The following MAGI1 variants were observed in gnomAD, a reference collection of about 807,000 sequenced individuals.
The protein encoded by MAGI1 is membrane-associated guanylate kinase, WW and PDZ domain-containing protein 1.
A neutral mutation model predicts 139.9 loss-of-function variants in MAGI1; 58 were observed. The observed-to-expected ratio is 0.41, with a 90% CI of 0.34 to 0.52. MAGI1 has a LOEUF of 0.52. Among genes scored for constraint, MAGI1 ranks in the 20% least tolerant of loss-of-function variants. The pLI is 0.12. For synonymous variants in MAGI1, 812 were observed against 737.9 expected, an observed-to-expected ratio of 1.10 and a Z score of -1.63; for missense variants, 1,874 against 1,901.6, an observed-to-expected ratio of 0.99 and a Z score of 0.27.
chr3:65,741,836 C>T (rs917695693), intron 1 of MAGI1, among the ~76,000 whole-genome samples: 6 of 152,122 alleles, frequency 3.9e-5, no homozygotes, highest in Non-Finnish European at 8.8e-5. Context: ...CTAGAAAATC[C>T]ACGAACATGG....
intron 1 of MAGI1, among the ~76,000 whole-genome samples, chr3:65,990,674 C>T (rs1401889720): frequency 6.6e-6 from 1 of 152,134 alleles, no homozygotes; most frequent in Non-Finnish European, 1.5e-5. Flanking sequence ...AAAGAGAATG[C>T]TGACTATAAA....
intron 2 of MAGI1, among the ~76,000 whole-genome samples, chr3:65,590,303 G>A (rs1160091043): frequency 1.3e-5 from 2 of 152,092 alleles, no homozygotes; most frequent in Non-Finnish European, 2.9e-5. Context: ...GTACATCTTT[G>A]TATCTTTAAC....
chr3:66,038,524 G>A lies in MAGI1; in HGVS notation c.-216C>T, dbSNP rs1000288818. ...GGGCTTCCCCGCGAGCCCCGCACAG[G>A]CGCCCGCGAGCTTTGTTTGCATTCC... On this transcript the variant is annotated 5_prime_UTR_variant, in exon 1 of 23. Transcript: ENST00000402939. 3 of 587,234 alleles carry A rather than the reference G, an allele frequency of 5.1e-6. No individual in the cohort carries two copies. Among genetic ancestry groups the A allele is most frequent in the South Asian group, 3.8e-5 (1 of 26,164 alleles). 36.4% of individuals were successfully genotyped at this position (587,234 alleles called of 1,614,324 possible). A position where few individuals can be genotyped will look rare whatever the true frequency, so the allele number is the denominator to read the frequency against.
intron 1 of MAGI1, among the ~76,000 whole-genome samples, chr3:65,876,192 C>T (rs559030559): frequency 5.9e-5 from 9 of 151,828 alleles, no homozygotes; most frequent in African/African-American, 2.2e-4. Context: ...TACAGTGGCA[C>T]ATGTCTGTGG....
chr3:65,684,167 CAAAAAAA>C (rs1163089641), intron 1 of MAGI1, among the ~76,000 whole-genome samples: 3 of 79,412 alleles, frequency 3.8e-5, no homozygotes, highest in East Asian at 1.2e-3. Context: ...GAGACTGTCT[CAAAAAAA>C]AAAAAAAAAA....
At chr3:65,950,708 A>AC (rs1047771603) in intron 1 of MAGI1, among the ~76,000 whole-genome samples, 4 of 152,004 alleles carry the variant, frequency 2.6e-5, no homozygotes, top group Non-Finnish European at 5.9e-5. Context: ...ACAAAATGCT[A>AC]CCCCCCACTG....
At chr3:65,942,363 C>T (rs1032716718) in intron 1 of MAGI1, among the ~76,000 whole-genome samples, 6 of 152,092 alleles carry the variant, frequency 3.9e-5, no homozygotes, top group East Asian at 1.9e-4. Flanking sequence ...TATCTGAAGA[C>T]GTTTTATCTG....
chr3:65,918,939 A>AAAAC (rs1004512155), intron 1 of MAGI1, among the ~76,000 whole-genome samples: 1 of 152,174 alleles, frequency 6.6e-6, no homozygotes. Context: ...TTTCAAAAAA[A>AAAAC]AAACAAACAA....
At chr3:65,911,047 G>T in intron 1 of MAGI1, among the ~76,000 whole-genome samples, 1 of 151,110 alleles carries the variant, frequency 6.6e-6, no homozygotes, top group East Asian at 2.0e-4. Flanking sequence ...GAATAGAGAC[G>T]GGGTTTCACC....
intron 2 of MAGI1, among the ~76,000 whole-genome samples, chr3:65,496,862 G>A (rs1440145471): frequency 6.6e-6 from 1 of 152,110 alleles, no homozygotes; most frequent in Non-Finnish European, 1.5e-5. Context: ...ACCATGCTAG[G>A]TCTATATTTT....
chr3:65,913,897 G>A (rs956437738), intron 1 of MAGI1, among the ~76,000 whole-genome samples: 3 of 151,974 alleles, frequency 2.0e-5, no homozygotes, highest in Non-Finnish European at 4.4e-5. Context: ...CAATTCAAGG[G>A]GTTCTAACAC....
In MAGI1 at chr3:65,679,317, A is replaced by G. The variant is rs114954732; in HGVS notation, c.314-57229T>C. 7.6e-3 allele frequency among the ~76,000 whole-genome samples: 1,164 copies of G among 152,340 alleles called. 11 individuals carry two copies. The highest frequency in any genetic ancestry group is 0.027 in the African/African-American group (1,107 of 41,574). Reference sequence around the variant, plus strand: ...CAGGACCACCCTTTTACAGACAGCCATGGTGATAAGAGCTATAGCTGACAT... The same window carrying G: ...CAGGACCACCCTTTTACAGACAGCCGTGGTGATAAGAGCTATAGCTGACAT... On this transcript the variant is annotated intron_variant, in intron 1 of 22. Transcript: ENST00000402939.
chr3:65,618,118 A>G (rs1559725390), intron 2 of MAGI1, among the ~76,000 whole-genome samples: 1 of 152,230 alleles, frequency 6.6e-6, no homozygotes, highest in East Asian at 1.9e-4. Context: ...ATAGATAGGC[A>G]GCGAAATAGG....
chr3:65,880,259 A>G (rs2060270775), intron 1 of MAGI1, among the ~76,000 whole-genome samples: 1 of 149,828 alleles, frequency 6.7e-6, no homozygotes, highest in South Asian at 2.1e-4. Context: ...AAAAAAAAAA[A>G]TAGCCTTGGA....
intron 1 of MAGI1, among the ~76,000 whole-genome samples, chr3:65,753,580 T>A (rs1473816214): frequency 1.3e-5 from 2 of 151,392 alleles, no homozygotes; most frequent in Non-Finnish European, 2.9e-5. Context: ...AATCAGCCAG[T>A]CGTGGTGGCA....
intron 8 of MAGI1, among the ~76,000 whole-genome samples, chr3:65,440,566 T>G (rs1407672982): frequency 6.6e-6 from 1 of 152,186 alleles, no homozygotes; most frequent in African/African-American, 2.4e-5. Context: ...TGTAACTGTC[T>G]GCAGTAGGGT....
intron 7 of MAGI1, among the ~76,000 whole-genome samples, chr3:65,444,273 T>G (rs1434374714): frequency 6.6e-6 from 1 of 152,196 alleles, no homozygotes; most frequent in African/African-American, 2.4e-5. Context: ...TGCGGACCGA[T>G]GCAAATTGAA....
intron 12 of MAGI1, among the ~76,000 whole-genome samples, chr3:65,420,594 C>CGTGAT (rs1559539734): frequency 6.6e-6 from 1 of 152,078 alleles, no homozygotes; most frequent in East Asian, 1.9e-4. Context: ...ATGACAGGCA[C>CGTGAT]GTGATGTTAA....
intron 18 of MAGI1, chr3:65,365,171 A>G (rs1341558501): frequency 1.4e-6 from 1 of 720,814 alleles, no homozygotes; most frequent in African/African-American, 1.7e-5. Context: ...CCAAACAGAC[A>G]TCTCCACAAA....
Sources: allele counts gnomAD v4.1 joint callset (sites outside exome capture counted in the v4.1 genomes callset), GRCh38; gene constraint gnomAD v4.1.1; transcripts MANE v1.5; gene names NCBI Gene and HGNC (gene_info 2026-07-23, HGNC 2026-07-21).